NXNL2: variants seen among roughly 807,000 people sequenced by gnomAD.
NXNL2 encodes nucleoredoxin-like protein 2.
In NXNL2, 7 loss-of-function variants were observed where a neutral mutation model predicts 11.1. The ratio of observed to expected loss-of-function variants is 0.63; its 90% confidence interval spans 0.36 to 1.18. The LOEUF is 1.18. Ranked by LOEUF, NXNL2 falls within the 50% of genes most tolerant of loss-of-function variation. The probability of loss-of-function intolerance (pLI) is 0.02; values close to 1 mark genes in which losing one functional copy is unlikely to be tolerated. For synonymous variants in NXNL2, 109 were observed against 101.8 expected (o/e 1.07, Z -0.42); for missense variants, 233 against 217.7 (o/e 1.07, Z -0.44).
chr9:88,554,845 A>G (rs1363813155), intron 1 of NXNL2, among the ~76,000 whole-genome samples: 4 of 152,148 alleles, frequency 2.6e-5, no homozygotes, highest in Non-Finnish European at 4.4e-5. Context: ...TTTTTATACC[A>G]TGGGGGAACT....
At chr9:88,552,285 G>C (rs1024153567) in intron 1 of NXNL2, among the ~76,000 whole-genome samples, 1 of 151,662 alleles carries the variant, frequency 6.6e-6, no homozygotes. Flanking sequence ...TCCCTTTGCT[G>C]TCATTTCAAT....
chr9:88,558,346 G>GAGGGC (rs1830045120), intron 1 of NXNL2, among the ~76,000 whole-genome samples: 1 of 152,140 alleles, frequency 6.6e-6, no homozygotes, highest in African/African-American at 2.4e-5. Flanking sequence ...TGTTCCCGGA[G>GAGGGC]AGGGCATGGA....
At chr9:88,576,117 C>T (rs1355416353), downstream of NXNL2, among the ~76,000 whole-genome samples, 1 of 152,198 alleles carries the variant, frequency 6.6e-6, no homozygotes. Context: ...ATTGCTTGAG[C>T]CCAGGAGACA....
At chr9:88,580,558 T>C (rs1371948189), downstream of NXNL2, among the ~76,000 whole-genome samples, 1 of 152,260 alleles carries the variant, frequency 6.6e-6, no homozygotes, top group African/African-American at 2.4e-5. Context: ...TTTTATTCTT[T>C]ACTTTTTAAA....
At position 88,542,211 on chromosome 9, in the gene NXNL2, C is replaced by T. The variant is rs578087597; in HGVS notation, c.303-2168C>T. Among the ~76,000 whole-genome samples, 120 of 150,952 alleles carry T rather than the reference C, an allele frequency of 7.9e-4. No individual in the cohort carries two copies. The Middle Eastern group carries it at 0.014, about 17-fold the overall frequency. On this transcript the variant is annotated intron_variant, in intron 1 of 1. Coordinates refer to ENST00000375854, the MANE Select transcript of NXNL2 (RefSeq NM_001161625.2). ...TTGCGTCACTGCACTCCAGCCTGGG[C>T]GACAGAGCAAGACTCCATCTCAAAA...
chr9:88,583,486 G>A (rs1344101415), intron 1 of NXNL2, among the ~76,000 whole-genome samples: 1 of 152,180 alleles, frequency 6.6e-6, no homozygotes, highest in African/African-American at 2.4e-5. Context: ...CTGGTCTCTG[G>A]TCAGCATCTG....
chr9:88,550,070 G>A (rs532715792), intron 1 of NXNL2, among the ~76,000 whole-genome samples: 3 of 152,064 alleles, frequency 2.0e-5, no homozygotes, highest in South Asian at 2.1e-4. Flanking sequence ...TGCCCACCTC[G>A]GCCTCCCAAA....
At position 88,562,563 on chromosome 9, in the gene NXNL2, G is replaced by T. The variant is rs1830098884; in HGVS notation, c.303-8524G>T. On this transcript the variant is annotated intron_variant, in intron 1 of 2. Transcript: ENST00000375855. ...AGGTCAGGAGTTCAGGACCAGCCTG[G>T]CCAACATGGTGAAACCCCATTTCTA... 1.3e-5 allele frequency among the ~76,000 whole-genome samples: 2 copies of T among 152,082 alleles called. 1 individual carries two copies. The highest frequency in any genetic ancestry group is 3.9e-4 in the East Asian group (2 of 5,188).
At position 88,535,682 on chromosome 9, in the gene NXNL2, T is replaced by C. The variant is rs373866150; in HGVS notation, c.248T>C (p.Met83Thr). The stretch of plus-strand genomic sequence containing the variant: ...AGCTCCCAGGAGATGCTGGACTTCA[T>C]GCGCGAGCTGCATGGCGCCTGGCTG... ...DGSSQEMLDF[M>T]RELHGAWLAL... is the part of the protein sequence containing the mutation. The change falls in exon 1 of 2, where the codon ATG (methionine) becomes ACG (threonine). Residue 83 changes from methionine (M) to threonine (T), a missense_variant. Coordinates refer to ENST00000375854, the MANE Select transcript of NXNL2 (RefSeq NM_001161625.2). 1 of 1,602,754 alleles carries C rather than the reference T, an allele frequency of 6.2e-7. No individual in the cohort carries two copies. The highest frequency in any genetic ancestry group is 8.5e-7 in the Non-Finnish European group (1 of 1,177,156).
At chr9:88,546,780 C>T (rs182185549), downstream of NXNL2, among the ~76,000 whole-genome samples, 229 of 152,198 alleles carry the variant, frequency 1.5e-3, 2 homozygotes, top group South Asian at 0.018. Context: ...GTATTCCAGC[C>T]TTCTTTCCGA....
intron 1 of NXNL2, 97 bp downstream of exon 1, chr9:88,535,833 C>CG (rs2118380429): frequency 1.1e-6 from 1 of 907,564 alleles, no homozygotes; most frequent in Non-Finnish European, 1.6e-6. Flanking sequence ...TTTATGACGC[C>CG]CCCCCCCAAC....
At chr9:88,546,149 G>A (rs1403194367), downstream of NXNL2, among the ~76,000 whole-genome samples, 2 of 70,012 alleles carry the variant, frequency 2.9e-5, no homozygotes, top group Non-Finnish European at 4.2e-5. Flanking sequence ...CTGAGTGTTC[G>A]TGTGTGTGTG....
At chr9:88,554,105 G>A (rs968518783) in intron 1 of NXNL2, among the ~76,000 whole-genome samples, 2 of 152,280 alleles carry the variant, frequency 1.3e-5, no homozygotes, top group African/African-American at 4.8e-5. Flanking sequence ...GTGGAGTCAG[G>A]GCCTCAGGCA....
intron 1 of NXNL2, among the ~76,000 whole-genome samples, chr9:88,536,777 AGAG>A (rs1240553986): frequency 6.6e-6 from 1 of 152,216 alleles, no homozygotes; most frequent in African/African-American, 2.4e-5. Flanking sequence ...TCCCAGTGAA[AGAG>A]GAGGCCCAGG....
At chr9:88,569,515 T>C (rs1222061872) in intron 1 of NXNL2, among the ~76,000 whole-genome samples, 1 of 152,242 alleles carries the variant, frequency 6.6e-6, no homozygotes, top group Non-Finnish European at 1.5e-5. Flanking sequence ...GGGTTTTCTC[T>C]TGCCTTAAAT....
At chr9:88,535,830 CG>C in intron 1 of NXNL2, 94 bp downstream of exon 1, 1 of 957,110 alleles carries the variant, frequency 1.0e-6, no homozygotes, top group Non-Finnish European at 1.5e-6. Context: ...CTCTTTATGA[CG>C]CCCCCCCCCA....
At chr9:88,582,424 G>A (rs534635367) in intron 1 of NXNL2, among the ~76,000 whole-genome samples, 29 of 151,900 alleles carry the variant, frequency 1.9e-4, no homozygotes, top group Non-Finnish European at 2.9e-4. Flanking sequence ...AGCCGAGATC[G>A]CACCACTGCA....
intron 1 of NXNL2, among the ~76,000 whole-genome samples, chr9:88,567,576 C>A (rs1185982433): frequency 6.6e-6 from 1 of 152,184 alleles, no homozygotes; most frequent in Admixed American, 6.5e-5. Context: ...CCAACCAGGA[C>A]TTTTGTTGGA....
At chr9:88,561,569 C>A (rs1467662002) in intron 1 of NXNL2, among the ~76,000 whole-genome samples, 3 of 151,900 alleles carry the variant, frequency 2.0e-5, no homozygotes, top group African/African-American at 7.3e-5. Flanking sequence ...ACACACAAAC[C>A]AGTCTACACA....
Sources: gnomAD v4.1 joint callset for allele counts (sites outside exome capture counted in the v4.1 genomes callset) on GRCh38, gnomAD v4.1.1 for gene constraint, MANE v1.5 for transcripts, NCBI Gene and HGNC (gene_info 2026-07-23, HGNC 2026-07-21) for gene names.